The following RBFOX1 variants were observed in gnomAD, a reference collection of about 807,000 sequenced individuals.
The protein encoded by RBFOX1 is RNA binding protein fox-1 homolog 1.
Under a neutral mutation model 57.7 loss-of-function variants are expected in RBFOX1, and 8 were observed. That is an observed-to-expected ratio of 0.14 (90% CI 0.08 to 0.25). RBFOX1 has a LOEUF of 0.25. RBFOX1 is among the 10% of genes least tolerant of loss of function. RBFOX1 has a pLI of 1.00. For synonymous variants in RBFOX1, 326 were observed against 222.4 expected (o/e 1.47, Z -4.15); for missense variants, 611 against 548.5 (o/e 1.11, Z -1.14).
At chr16:5,943,777 A>T (rs1174290815) in intron 4 of RBFOX1, among the ~76,000 whole-genome samples, 1 of 152,160 alleles carries the variant, frequency 6.6e-6, no homozygotes, top group South Asian at 2.1e-4. Context: ...ATTACCATTC[A>T]CATTCACCCA....
chr16:6,649,432 G>T (rs1425053003), intron 2 of RBFOX1, among the ~76,000 whole-genome samples: 2 of 152,152 alleles, frequency 1.3e-5, no homozygotes, highest in Admixed American at 6.5e-5. Context: ...AAGTTCTTCA[G>T]TGGTGGTTTC....
chr16:6,898,918 T>G (rs965090419), intron 3 of RBFOX1, among the ~76,000 whole-genome samples: 1 of 151,476 alleles, frequency 6.6e-6, no homozygotes, highest in Admixed American at 6.6e-5. Context: ...TTTGTGCATA[T>G]GTGTATATGT....
At chr16:6,430,900 A>G (rs1567254711) in intron 2 of RBFOX1, among the ~76,000 whole-genome samples, 2 of 149,110 alleles carry the variant, frequency 1.3e-5, no homozygotes, top group Non-Finnish European at 3.0e-5. Flanking sequence ...GGAGGCTGAG[A>G]TAGGAGGGTT....
chr16:6,363,059 C>G (rs948277750), intron 2 of RBFOX1, among the ~76,000 whole-genome samples: 7 of 152,142 alleles, frequency 4.6e-5, no homozygotes, highest in Admixed American at 4.6e-4. Flanking sequence ...ATGAAATGAT[C>G]TAATGCAAAC....
chr16:6,356,990 C>T (rs2087442686), intron 2 of RBFOX1, among the ~76,000 whole-genome samples: 1 of 152,158 alleles, frequency 6.6e-6, no homozygotes, highest in Admixed American at 6.5e-5. Context: ...ATGGATTCCC[C>T]CTTCCCCGTG....
chr16:5,846,983 C>A (rs1315551414), intron 3 of RBFOX1, among the ~76,000 whole-genome samples: 1 of 152,212 alleles, frequency 6.6e-6, no homozygotes, highest in Non-Finnish European at 1.5e-5. Flanking sequence ...GGCCATCAGT[C>A]TGTCTCCATC....
chr16:5,267,931 T>C (rs1361136208), intron 1 of RBFOX1, among the ~76,000 whole-genome samples: 1 of 152,072 alleles, frequency 6.6e-6, no homozygotes, highest in African/African-American at 2.4e-5. Context: ...ATACAAAAAT[T>C]AGCTTGGCAT....
rs112041941 is a variant in RBFOX1 at position 5,970,772 on chromosome 16, A to G, written c.351+103437A>G. 3.7e-4 allele frequency among the ~76,000 whole-genome samples: 56 copies of G among 152,310 alleles called. 1 individual carries two copies. The East Asian group carries it at 6.6e-3, about 18-fold the overall frequency. ...CACTGACATCAAAATCATGAAGTCT[A>G]TGACTATATGGCCATGTTTTCATTG... is the stretch of plus-strand genomic sequence containing the variant. On this transcript the variant is annotated intron_variant, in intron 4 of 19. Transcript: ENST00000641259.
intron 4 of RBFOX1, among the ~76,000 whole-genome samples, chr16:7,342,187 C>G (rs769801868): frequency 6.6e-6 from 1 of 152,142 alleles, no homozygotes; most frequent in African/African-American, 2.4e-5. Flanking sequence ...AGTTGCTTGA[C>G]CTCTCTGAAC....
intron 1 of RBFOX1, among the ~76,000 whole-genome samples, chr16:6,195,644 G>A (rs926851925): frequency 2.6e-5 from 4 of 151,984 alleles, no homozygotes; most frequent in Admixed American, 1.3e-4. Context: ...ACTTGAACCC[G>A]GGTGGTGGAG....
At chr16:6,004,660 C>T (rs928109864) in intron 4 of RBFOX1, among the ~76,000 whole-genome samples, 5 of 152,200 alleles carry the variant, frequency 3.3e-5, no homozygotes, top group Non-Finnish European at 7.3e-5. Flanking sequence ...CCAGAATGGT[C>T]TATTTAATGC....
intron 2 of RBFOX1, among the ~76,000 whole-genome samples, chr16:5,481,084 C>T (rs1231473481): frequency 1.3e-5 from 2 of 152,214 alleles, no homozygotes; most frequent in Non-Finnish European, 2.9e-5. Context: ...CTCCGACTCT[C>T]ACTGTTGGAA....
In RBFOX1 at chr16:6,193,153, T is replaced by C. The variant is rs550702342; in HGVS notation, c.-126-123842T>C. ...TGAATCGTGTTGGTGAGGCAATGTGTTCATCCTATGTCCTTATCTGTTCTT... is the reference window on the plus strand; with the variant it reads ...TGAATCGTGTTGGTGAGGCAATGTGCTCATCCTATGTCCTTATCTGTTCTT... On this transcript the variant is annotated intron_variant, in intron 1 of 15. Transcript: ENST00000550418. Among the ~76,000 whole-genome samples the C allele has an allele frequency of 1.5e-3, 231 of 151,800 alleles. 1 individual carries two copies. The highest frequency in any genetic ancestry group is 5.3e-3 in the African/African-American group (221 of 41,398).
At chr16:6,551,458 CT>C (rs1183277720) in intron 2 of RBFOX1, among the ~76,000 whole-genome samples, 4 of 152,288 alleles carry the variant, frequency 2.6e-5, no homozygotes, top group African/African-American at 4.8e-5. Flanking sequence ...TAATTTTACG[CT>C]GTCTAACATA....
chr16:6,724,539 C>T (rs1362412992), intron 3 of RBFOX1, among the ~76,000 whole-genome samples: 3 of 152,074 alleles, frequency 2.0e-5, no homozygotes, highest in Non-Finnish European at 4.4e-5. Context: ...AGCAGGCCCT[C>T]ACCAGACACC....
chr16:6,106,564 A>G (rs534493864), intron 1 of RBFOX1, among the ~76,000 whole-genome samples: 43 of 152,140 alleles, frequency 2.8e-4, no homozygotes, highest in African/African-American at 7.5e-4. Context: ...TGAGACGGTC[A>G]TGGACTTTCG....
In RBFOX1 at chr16:5,394,745, C is replaced by T. The variant is rs144796688; in HGVS notation, c.220-72471C>T. ...TGTATTTTTTGTAGAAATGGGGTCT[C>T]ACCATGTTGTCCAGGCTGGTCTTGA... On this transcript the variant is annotated intron_variant, in intron 1 of 2. Coordinates refer to the RBFOX1 transcript ENST00000585867. 6.6e-3 allele frequency among the ~76,000 whole-genome samples: 1,008 copies of T among 152,188 alleles called. 14 individuals are homozygous for T. Among genetic ancestry groups the T allele is most frequent in the African/African-American group, 0.023 (934 of 41,506 alleles).
chr16:7,014,777 T>C (rs1266874983), intron 3 of RBFOX1, among the ~76,000 whole-genome samples: 1 of 151,972 alleles, frequency 6.6e-6, no homozygotes, highest in East Asian at 1.9e-4. Flanking sequence ...CAGGCTGGAG[T>C]GCAGTGGCAC....
At chr16:6,813,335 A>T (rs1057221770) in intron 3 of RBFOX1, among the ~76,000 whole-genome samples, 1 of 152,170 alleles carries the variant, frequency 6.6e-6, no homozygotes, top group Non-Finnish European at 1.5e-5. Context: ...AGTTGACCAC[A>T]TTCATGTAAC....
Sources: allele counts gnomAD v4.1 joint callset (sites outside exome capture counted in the v4.1 genomes callset), GRCh38; gene constraint gnomAD v4.1.1; transcripts MANE v1.5; gene names NCBI Gene and HGNC (gene_info 2026-07-23, HGNC 2026-07-21).